The following PCDH9 variants were observed in gnomAD, a reference collection of about 807,000 sequenced individuals.
PCDH9 encodes the protein protocadherin 9.
Under a neutral mutation model 70.6 loss-of-function variants are expected in PCDH9, and 24 were observed. The ratio of observed to expected loss-of-function variants is 0.34; its 90% CI spans 0.25 to 0.48. The LOEUF (loss-of-function observed/expected upper bound fraction) is 0.48, where lower values mean the gene tolerates loss of function less well. PCDH9 is among the 20% of genes least tolerant of loss of function. The pLI is 0.99. For missense variants in PCDH9, 1,281 were observed against 1,503.6 expected (o/e 0.85, Z 2.45); for synonymous variants, 562 against 558.5 (o/e 1.01, Z -0.09).
At chr13:66,638,201 A>G (rs964002924) in intron 3 of PCDH9, among the ~76,000 whole-genome samples, 2 of 152,212 alleles carry the variant, frequency 1.3e-5, no homozygotes, top group Non-Finnish European at 2.9e-5. Context: ...CATATTCTAA[A>G]AAGTAGAATT....
At chr13:66,838,112 T>A (rs943677160) in intron 3 of PCDH9, among the ~76,000 whole-genome samples, 1 of 152,214 alleles carries the variant, frequency 6.6e-6, no homozygotes, top group South Asian at 2.1e-4. Context: ...TTTCTAAATA[T>A]GTATTCATGT....
chr13:66,509,369 G>C (rs1381416282), intron 4 of PCDH9, among the ~76,000 whole-genome samples: 3 of 152,078 alleles, frequency 2.0e-5, no homozygotes, highest in South Asian at 2.1e-4. Flanking sequence ...CTCTGTGGGA[G>C]GTTATGAGCC....
intron 4 of PCDH9, among the ~76,000 whole-genome samples, chr13:66,479,216 C>T (rs1958791598): frequency 6.6e-6 from 1 of 152,188 alleles, no homozygotes; most frequent in African/African-American, 2.4e-5. Context: ...CAGGAAAAAA[C>T]ATATCCTTTC....
chr13:66,940,823 T>A (rs1319648862), intron 2 of PCDH9, among the ~76,000 whole-genome samples: 1 of 152,002 alleles, frequency 6.6e-6, no homozygotes, highest in Non-Finnish European at 1.5e-5. Context: ...GTCATTCATT[T>A]TTCTTGTACT....
intron 2 of PCDH9, chr13:67,203,692 T>C (rs1250111808): frequency 3.9e-5 from 6 of 152,060 alleles, no homozygotes; most frequent in South Asian, 2.1e-4. Flanking sequence ...TTCCAATGAA[T>C]AGATATGAGA....
At chr13:66,577,817 T>C (rs2076836018) in intron 4 of PCDH9, among the ~76,000 whole-genome samples, 1 of 152,024 alleles carries the variant, frequency 6.6e-6, no homozygotes. Context: ...TCAGCAAACT[T>C]GGCTAAAACC....
chr13:66,597,140 C>T (rs2077113869), intron 4 of PCDH9, among the ~76,000 whole-genome samples: 1 of 151,612 alleles, frequency 6.6e-6, no homozygotes, highest in Non-Finnish European at 1.5e-5. Flanking sequence ...ATAGACATCC[C>T]ATGTTCATGG....
rs1371063441 is a variant in PCDH9 at position 66,835,142 on chromosome 13, G to A, written c.3138+68362C>T. Among the ~76,000 whole-genome samples, 11 of 152,296 alleles carry A rather than the reference G, an allele frequency of 7.2e-5. 1 individual carries two copies. The highest frequency in any genetic ancestry group is 5.9e-4 in the Admixed American group (9 of 15,296). Reference sequence around the variant, plus strand: ...ATTGACATAGTCACTGAAGACAATCGTCAGCCAGGCCTAGTTCCAATGGGA... The same window carrying A: ...ATTGACATAGTCACTGAAGACAATCATCAGCCAGGCCTAGTTCCAATGGGA... On this transcript the variant is annotated intron_variant, in intron 3 of 4. Transcript: ENST00000377865.
intron 2 of PCDH9, among the ~76,000 whole-genome samples, chr13:67,131,793 G>A (rs1451765456): frequency 3.3e-5 from 5 of 152,120 alleles, no homozygotes; most frequent in African/African-American, 7.2e-5. Flanking sequence ...GCAGCACATC[G>A]TGGACTTTAG....
chr13:66,482,728 C>T (rs1030255599), intron 4 of PCDH9, among the ~76,000 whole-genome samples: 1 of 152,156 alleles, frequency 6.6e-6, no homozygotes, highest in African/African-American at 2.4e-5. Flanking sequence ...TGATTTACTT[C>T]CATTTTATGT....
chr13:66,670,579 C>T (rs1000384778), intron 3 of PCDH9, among the ~76,000 whole-genome samples: 5 of 152,164 alleles, frequency 3.3e-5, no homozygotes, highest in African/African-American at 1.2e-4. Flanking sequence ...TTATACCTTA[C>T]AGCAGATGAT....
chr13:67,187,002 G>C (rs1387913060), intron 2 of PCDH9, among the ~76,000 whole-genome samples: 1 of 152,246 alleles, frequency 6.6e-6, no homozygotes, highest in African/African-American at 2.4e-5. Context: ...TCATTGGTTT[G>C]TTTCTTTCAA....
intron 4 of PCDH9, among the ~76,000 whole-genome samples, chr13:66,418,090 G>C (rs998634043): frequency 2.6e-5 from 4 of 152,162 alleles, no homozygotes; most frequent in African/African-American, 9.7e-5. Context: ...CCATGCCTAT[G>C]TCCTGAATGG....
intron 4 of PCDH9, among the ~76,000 whole-genome samples, chr13:66,408,884 G>C (rs1469846507): frequency 6.6e-6 from 1 of 151,668 alleles, no homozygotes; most frequent in Non-Finnish European, 1.5e-5. Context: ...TTTCTGGGGA[G>C]GAAAAAAAGT....
chr13:67,043,830 A>AGGAGAG, intron 2 of PCDH9, among the ~76,000 whole-genome samples: 1 of 152,120 alleles, frequency 6.6e-6, no homozygotes, highest in South Asian at 2.1e-4. Context: ...TTAAATATAC[A>AGGAGAG]TAGCCTTGTT....
At chr13:66,760,523 T>G (rs527664400) in intron 3 of PCDH9, among the ~76,000 whole-genome samples, 3 of 152,308 alleles carry the variant, frequency 2.0e-5, no homozygotes, top group African/African-American at 7.2e-5. Flanking sequence ...AATCCCGTCA[T>G]CTTCGTAAGC....
chr13:67,153,460 C>G (rs959635861), intron 2 of PCDH9, among the ~76,000 whole-genome samples: 2 of 152,186 alleles, frequency 1.3e-5, no homozygotes, highest in African/African-American at 2.4e-5. Flanking sequence ...TTGGCCACCA[C>G]TCCCAGCCCA....
rs190083055 is a variant in PCDH9 at position 66,586,228 on chromosome 13, A to G, written c.3340+44982T>C. 5.1e-4 allele frequency among the ~76,000 whole-genome samples: 78 copies of G among 152,302 alleles called. 1 individual carries two copies. Among genetic ancestry groups the G allele is most frequent in the African/African-American group, 1.8e-3 (76 of 41,584 alleles). ...CATAATGACAGATTAATGACACAAT[A>G]TTTGCAAAACAAAATAATCAGTGAT... On this transcript the variant is annotated intron_variant, in intron 4 of 4. Transcript: ENST00000377865.
At position 67,168,582 on chromosome 13, in the gene PCDH9, A is replaced by AT. The variant is rs1248358986; in HGVS notation, c.3036+56822dup. Among the ~76,000 whole-genome samples the AT allele has an allele frequency of 2.0e-4, 31 of 151,750 alleles. 1 individual carries two copies. The highest frequency in any genetic ancestry group is 2.0e-3 in the Admixed American group (31 of 15,216). On this transcript the variant is annotated intron_variant, in intron 2 of 4. Transcript: ENST00000377865. ...TTTCTACAAAATGTTAAAAAAAAAA[A>AT]TTAGCCAGGCATGGTGGGTGCACCT...
Sources: gnomAD v4.1 joint callset for allele counts (sites outside exome capture counted in the v4.1 genomes callset) on GRCh38, gnomAD v4.1.1 for gene constraint, MANE v1.5 for transcripts, NCBI Gene and HGNC (gene_info 2026-07-23, HGNC 2026-07-21) for gene names.